SLIT3: variants seen among roughly 807,000 people sequenced by gnomAD.
SLIT3 encodes slit guidance ligand 3.
SLIT3 carries 68 observed loss-of-function variants against 184.0 expected under a neutral mutation model. The observed-to-expected ratio is 0.37, with a 90% CI of 0.30 to 0.45. The LOEUF is 0.45. SLIT3 is among the 20% of genes least tolerant of loss of function. The pLI is 1.00. For missense variants in SLIT3, 1,707 were observed against 2,026.0 expected (o/e 0.84, Z 3.02); for synonymous variants, 831 against 828.6 (o/e 1.00, Z -0.05).
chr5:169,257,533 C>CTTT lies in SLIT3; in HGVS notation c.198-6077_198-6075dup, dbSNP rs1157258489. On this transcript the variant is annotated intron_variant, in intron 1 of 35. Transcript: ENST00000519560. ...TTGATACAATAGCTTTCTATGCCTCCTTTTTTTTTTTTTTTTTTTTTTTTT... is the reference window on the plus strand; with the variant it reads ...TTGATACAATAGCTTTCTATGCCTCCTTTTTTTTTTTTTTTTTTTTTTTTTTTT... Among the ~76,000 whole-genome samples the CTTT allele has an allele frequency of 3.5e-3, 283 of 80,968 alleles. 49 individuals are homozygous for CTTT. Among genetic ancestry groups the CTTT allele is most frequent in the Non-Finnish European group, 4.2e-3 (194 of 46,064 alleles). The allele number at this position is 80,968 out of a possible 152,430, so 53.1% of individuals were successfully genotyped here. A position where few individuals can be genotyped will look rare whatever the true frequency, so the allele number is the denominator to read the frequency against.
At chr5:169,092,553 C>T (rs1052150465) in intron 4 of SLIT3, among the ~76,000 whole-genome samples, 1 of 152,180 alleles carries the variant, frequency 6.6e-6, no homozygotes, top group African/African-American at 2.4e-5. Flanking sequence ...CGTAGTCAGG[C>T]GTGTGACCTA....
chr5:168,953,872 G>A (rs1435711811), intron 4 of SLIT3, among the ~76,000 whole-genome samples: 1 of 152,160 alleles, frequency 6.6e-6, no homozygotes, highest in Non-Finnish European at 1.5e-5. Flanking sequence ...ATATTTATTT[G>A]CCCTTCAAAA....
chr5:169,280,324 G>A (rs1021179701), intron 1 of SLIT3, among the ~76,000 whole-genome samples: 2 of 152,152 alleles, frequency 1.3e-5, no homozygotes, highest in Non-Finnish European at 2.9e-5. Flanking sequence ...AGAAGCATTT[G>A]GTATTGAGGG....
chr5:169,285,568 A>T (rs749149811), intron 1 of SLIT3, among the ~76,000 whole-genome samples: 42 of 152,168 alleles, frequency 2.8e-4, no homozygotes, highest in Non-Finnish European at 3.7e-4. Context: ...GCAGAGCAGA[A>T]GGGGTACTAT....
chr5:169,042,233 C>T (rs1380854146), intron 4 of SLIT3, among the ~76,000 whole-genome samples: 10 of 152,260 alleles, frequency 6.6e-5, no homozygotes, highest in Non-Finnish European at 1.3e-4. Flanking sequence ...CTTTAATCAC[C>T]CTACACATTA....
chr5:169,260,458 CCT>C (rs1263715996), intron 1 of SLIT3, among the ~76,000 whole-genome samples: 1 of 152,108 alleles, frequency 6.6e-6, no homozygotes, highest in Non-Finnish European at 1.5e-5. Context: ...ATTCGTCCTC[CCT>C]GAGAGCTCAC....
At chr5:169,271,620 G>A (rs1284800772) in intron 1 of SLIT3, among the ~76,000 whole-genome samples, 4 of 152,126 alleles carry the variant, frequency 2.6e-5, no homozygotes, top group African/African-American at 9.7e-5. Flanking sequence ...CACGTGGATG[G>A]ACAATTAAAA....
rs1761014154 is a variant in SLIT3 at position 168,665,759 on chromosome 5, T to G, written c.*695A>C. 6.6e-6 allele frequency: 1 copy of G among 151,678 alleles called. No individual in the cohort carries two copies. Among genetic ancestry groups the G allele is most frequent in the Admixed American group, 6.6e-5 (1 of 15,224 alleles). 9.4% of individuals were successfully genotyped at this position (151,678 alleles called of 1,614,324 possible). ...AGGAAGGAGAAGAGGGGTCCCCCAG[T>G]GGGTTCAGATACCCTGAAGGGGGGT... On this transcript the variant is annotated 3_prime_UTR_variant, in exon 36 of 36. Transcript: ENST00000519560.
chr5:168,748,002 C>G (rs554840736), intron 20 of SLIT3, among the ~76,000 whole-genome samples: 1 of 152,002 alleles, frequency 6.6e-6, no homozygotes, highest in Admixed American at 6.6e-5. Flanking sequence ...AGGGGTGATA[C>G]GGAAAATGAG....
intron 1 of SLIT3, among the ~76,000 whole-genome samples, chr5:169,272,545 C>T (rs1340328149): frequency 6.6e-6 from 1 of 152,246 alleles, no homozygotes; most frequent in Non-Finnish European, 1.5e-5. Context: ...GTGCCCAGCA[C>T]AGTGCCTTGC....
intron 4 of SLIT3, among the ~76,000 whole-genome samples, chr5:168,959,389 C>T (rs1407749364): frequency 6.6e-6 from 1 of 152,188 alleles, no homozygotes; most frequent in Non-Finnish European, 1.5e-5. Flanking sequence ...GAAAGAAAGG[C>T]CCTGTCTGTG....
chr5:168,909,382 C>A (rs1330457977), intron 4 of SLIT3, among the ~76,000 whole-genome samples: 1 of 152,208 alleles, frequency 6.6e-6, no homozygotes, highest in Non-Finnish European at 1.5e-5. Context: ...CTCCAGATAT[C>A]CATCAATTTA....
chr5:168,935,716 A>C (rs1423211116), intron 4 of SLIT3, among the ~76,000 whole-genome samples: 1 of 152,216 alleles, frequency 6.6e-6, no homozygotes, highest in African/African-American at 2.4e-5. Flanking sequence ...ATAGGATTAC[A>C]ATGAGCAGGA....
At chr5:168,835,477 CAA>C (rs558345211) in intron 6 of SLIT3, among the ~76,000 whole-genome samples, 52 of 133,084 alleles carry the variant, frequency 3.9e-4, no homozygotes, top group Non-Finnish European at 3.3e-4. Flanking sequence ...TCCCTTACTT[CAA>C]AAAAAAAAAA....
At chr5:169,202,402 A>G (rs1443806612) in intron 3 of SLIT3, among the ~76,000 whole-genome samples, 1 of 152,148 alleles carries the variant, frequency 6.6e-6, no homozygotes. Flanking sequence ...CTCTTGAAGC[A>G]GACACTGTTA....
intron 4 of SLIT3, among the ~76,000 whole-genome samples, chr5:168,952,885 G>A (rs1554084520): frequency 6.6e-6 from 1 of 152,218 alleles, no homozygotes; most frequent in Non-Finnish European, 1.5e-5. Flanking sequence ...AGTGTGGGCA[G>A]GTGGGGGTTT....
At chr5:169,050,691 C>CT (rs72350956) in intron 4 of SLIT3, among the ~76,000 whole-genome samples, 7,577 of 145,932 alleles carry the variant, frequency 0.052, 335 homozygotes, top group East Asian at 0.13. Flanking sequence ...TATAATAGCA[C>CT]TTTTTTTTTT....
chr5:168,887,818 T>C (rs1760278949), intron 4 of SLIT3, among the ~76,000 whole-genome samples: 1 of 152,154 alleles, frequency 6.6e-6, no homozygotes, highest in African/African-American at 2.4e-5. Context: ...CTTTTTGTAA[T>C]TTCCTCCCAT....
intron 2 of SLIT3, among the ~76,000 whole-genome samples, chr5:169,245,015 GAATGTTCTCAGTA>G (rs942561599): frequency 3.3e-5 from 5 of 152,188 alleles, no homozygotes; most frequent in African/African-American, 1.2e-4. Context: ...TCTATTTTAA[GAATGTTCTCAGTA>G]AATGTCCCCC....
Sources: allele counts gnomAD v4.1 joint callset (sites outside exome capture counted in the v4.1 genomes callset), GRCh38; gene constraint gnomAD v4.1.1; transcripts MANE v1.5; gene names NCBI Gene and HGNC (gene_info 2026-07-23, HGNC 2026-07-21).